NCKAP5: variants seen among roughly 807,000 people sequenced by gnomAD.
The protein encoded by NCKAP5 is NCK associated protein 5.
Under a neutral mutation model 167.0 loss-of-function variants are expected in NCKAP5, and 92 were observed. The ratio of observed to expected loss-of-function variants is 0.55; its 90% CI spans 0.47 to 0.66. NCKAP5 has a LOEUF of 0.66. Among genes scored for constraint, NCKAP5 ranks in the 30% least tolerant of loss-of-function variants. The pLI, the probability that NCKAP5 is intolerant of heterozygous loss-of-function variation, is 0.00. For missense variants in NCKAP5, 2,378 were observed against 2,315.0 expected (o/e 1.03, Z -0.56); for synonymous variants, 891 against 877.4 (o/e 1.02, Z -0.27).
At chr2:132,759,208 T>C (rs957586169) in intron 16 of NCKAP5, among the ~76,000 whole-genome samples, 1 of 152,202 alleles carries the variant, frequency 6.6e-6, no homozygotes, top group Non-Finnish European at 1.5e-5. Flanking sequence ...TGTATAGTAT[T>C]CCATAGTATA....
At chr2:133,448,922 C>T (rs1006540007) in intron 3 of NCKAP5, among the ~76,000 whole-genome samples, 3 of 152,190 alleles carry the variant, frequency 2.0e-5, no homozygotes, top group Admixed American at 2.0e-4. Flanking sequence ...AGCCATCTTT[C>T]TCCTTTCTAT....
intron 11 of NCKAP5, among the ~76,000 whole-genome samples, chr2:132,822,119 C>T (rs1239855710): frequency 6.6e-6 from 1 of 152,184 alleles, no homozygotes; most frequent in African/African-American, 2.4e-5. Flanking sequence ...GCCATTACAG[C>T]AACTCAGGAC....
chr2:133,530,760 A>G (rs1245016394), intron 2 of NCKAP5, among the ~76,000 whole-genome samples: 1 of 152,176 alleles, frequency 6.6e-6, no homozygotes, highest in Non-Finnish European at 1.5e-5. Context: ...AGGCTTTAAG[A>G]GGTCTTGAAG....
intron 3 of NCKAP5, among the ~76,000 whole-genome samples, chr2:133,368,706 G>A (rs1685605992): frequency 6.6e-6 from 1 of 152,216 alleles, no homozygotes; most frequent in African/African-American, 2.4e-5. Context: ...TGATTAAGTT[G>A]AGGAGATAAG....
chr2:133,020,823 T>A (rs1297491778), intron 6 of NCKAP5, among the ~76,000 whole-genome samples: 1 of 152,032 alleles, frequency 6.6e-6, no homozygotes, highest in Admixed American at 6.5e-5. Flanking sequence ...CTAAGTGGGA[T>A]TGTGAAAGGT....
chr2:133,302,992 A>G, intron 4 of NCKAP5, 45 bp downstream of exon 4: 1 of 1,325,240 alleles, frequency 7.5e-7, no homozygotes, highest in Non-Finnish European at 1.1e-6. Flanking sequence ...AAAGCTATAA[A>G]GGATGCTACC....
At chr2:133,198,096 G>A (rs1436653136) in intron 5 of NCKAP5, among the ~76,000 whole-genome samples, 1 of 152,096 alleles carries the variant, frequency 6.6e-6, no homozygotes, top group East Asian at 1.9e-4. Flanking sequence ...GAATGGAGAT[G>A]ATCAAGAATC....
At chr2:132,868,736 C>T (rs942094215) in intron 10 of NCKAP5, among the ~76,000 whole-genome samples, 200 bp downstream of exon 10, 3 of 152,200 alleles carry the variant, frequency 2.0e-5, no homozygotes, top group East Asian at 1.9e-4. Context: ...ATTATTTTAC[C>T]GAAAGTTTGG....
chr2:133,127,046 T>C (rs1157483227), intron 6 of NCKAP5, among the ~76,000 whole-genome samples: 4 of 152,106 alleles, frequency 2.6e-5, no homozygotes, highest in East Asian at 1.9e-4. Context: ...AATGAACTCA[T>C]TGGCCCAAGA....
chr2:133,307,483 T>C (rs934087836), intron 3 of NCKAP5, among the ~76,000 whole-genome samples: 3 of 152,122 alleles, frequency 2.0e-5, no homozygotes, highest in Non-Finnish European at 4.4e-5. Context: ...ACACATCTAT[T>C]GGCACAAGAG....
At chr2:132,923,378 G>T (rs1695591771) in intron 8 of NCKAP5, among the ~76,000 whole-genome samples, 2 of 152,180 alleles carry the variant, frequency 1.3e-5, no homozygotes, top group Non-Finnish European at 2.9e-5. Flanking sequence ...GGGATCAATT[G>T]TGTTACAGCT....
chr2:133,394,468 A>G (rs1687616251), intron 3 of NCKAP5, among the ~76,000 whole-genome samples: 1 of 152,202 alleles, frequency 6.6e-6, no homozygotes, highest in African/African-American at 2.4e-5. Context: ...GTTGGAAGCT[A>G]CTGCAGGCTA....
At chr2:132,855,099 C>A (rs1290340631) in intron 11 of NCKAP5, among the ~76,000 whole-genome samples, 1 of 152,136 alleles carries the variant, frequency 6.6e-6, no homozygotes, top group Non-Finnish European at 1.5e-5. Context: ...TGATCCCAAA[C>A]CAACCTCACG....
intron 16 of NCKAP5, among the ~76,000 whole-genome samples, chr2:132,736,852 G>A (rs910704683): frequency 6.6e-6 from 1 of 152,170 alleles, no homozygotes; most frequent in African/African-American, 2.4e-5. Context: ...TCACATTTCT[G>A]GCTGTGAGTG....
At chr2:133,206,216 A>AT (rs1178023827) in intron 5 of NCKAP5, among the ~76,000 whole-genome samples, 1 of 152,130 alleles carries the variant, frequency 6.6e-6, no homozygotes, top group Non-Finnish European at 1.5e-5. Context: ...GGAAATTTCC[A>AT]TTTTTTAAAA....
chr2:133,261,473 T>C (rs1360803476), intron 4 of NCKAP5, among the ~76,000 whole-genome samples: 1 of 152,204 alleles, frequency 6.6e-6, no homozygotes, highest in African/African-American at 2.4e-5. Flanking sequence ...AGATATAGTA[T>C]GTTTCTGACA....
chr2:132,813,703 A>C (rs1024974236), intron 11 of NCKAP5, among the ~76,000 whole-genome samples: 4 of 152,238 alleles, frequency 2.6e-5, no homozygotes, highest in Admixed American at 2.6e-4. Context: ...GGAGACATTA[A>C]AATCAAACTA....
At chr2:133,471,513 G>T (rs1023998756) in intron 3 of NCKAP5, among the ~76,000 whole-genome samples, 1 of 152,000 alleles carries the variant, frequency 6.6e-6, no homozygotes, top group Non-Finnish European at 1.5e-5. Flanking sequence ...TTCATATCAG[G>T]GGGAATAAAA....
At chr2:133,047,799 A>T (rs908278656) in intron 6 of NCKAP5, among the ~76,000 whole-genome samples, 7 of 152,184 alleles carry the variant, frequency 4.6e-5, no homozygotes, top group Non-Finnish European at 7.3e-5. Flanking sequence ...ACTTACACTA[A>T]CCATTCTGAT....
Sources: gnomAD v4.1 joint callset for allele counts (sites outside exome capture counted in the v4.1 genomes callset) on GRCh38, gnomAD v4.1.1 for gene constraint, MANE v1.5 for transcripts, NCBI Gene and HGNC (gene_info 2026-07-23, HGNC 2026-07-21) for gene names.